Variants in CLASP2 observed in about 807,000 individuals in gnomAD.
CLASP2 encodes cytoplasmic linker associated protein 2.
In CLASP2, 47 loss-of-function variants were observed where a neutral mutation model predicts 194.4. That is an observed-to-expected ratio of 0.24 (90% CI 0.19 to 0.31). The LOEUF (loss-of-function observed/expected upper bound fraction) is 0.31. Ranked by LOEUF, CLASP2 falls within the 10% of genes least tolerant of loss-of-function variation. The probability of loss-of-function intolerance (pLI) is 1.00; values close to 1 mark genes in which losing one functional copy is unlikely to be tolerated. For synonymous variants in CLASP2, 619 were observed against 633.5 expected (o/e 0.98, Z 0.34); for missense variants, 1,445 against 1,823.6 (o/e 0.79, Z 3.78).
intron 29 of CLASP2, among the ~76,000 whole-genome samples, chr3:33,555,800 T>C (rs1437203339): frequency 6.6e-6 from 1 of 152,232 alleles, no homozygotes; most frequent in Non-Finnish European, 1.5e-5. Context: ...TGAATATATT[T>C]ATTTACACTA....
At chr3:33,605,624 G>C (rs562479143) in intron 16 of CLASP2, among the ~76,000 whole-genome samples, 42 of 152,188 alleles carry the variant, frequency 2.8e-4, no homozygotes, top group African/African-American at 9.6e-4. Context: ...AGAAATTACA[G>C]AGAAGTTTTT....
intron 15 of CLASP2, 91 bp from the exon 16 acceptor site, chr3:33,606,849 G>GC: frequency 1.1e-6 from 1 of 916,862 alleles, no homozygotes; most frequent in Non-Finnish European, 1.6e-6. Flanking sequence ...ATGAAGATAA[G>GC]CCCACTGGTT....
intron 36 of CLASP2, among the ~76,000 whole-genome samples, chr3:33,511,030 ATTTTTTT>A (rs397875429): frequency 9.4e-6 from 1 of 105,890 alleles, no homozygotes; most frequent in Non-Finnish European, 2.0e-5. Flanking sequence ...TGGCTAAAGT[ATTTTTTT>A]TTTTTTTTTT....
intron 37 of CLASP2, among the ~76,000 whole-genome samples, chr3:33,508,754 C>A (rs2048983576): frequency 6.6e-6 from 1 of 152,116 alleles, no homozygotes; most frequent in African/African-American, 2.4e-5. Flanking sequence ...AGCTTTGATT[C>A]TTTCTCTTTA....
chr3:33,663,538 G>A, intron 6 of CLASP2, 23 bp from the exon 7 acceptor site: 1 of 1,538,402 alleles, frequency 6.5e-7, no homozygotes, highest in Non-Finnish European at 9.0e-7. Context: ...AATAAATTGG[G>A]TTTGTTTGAT....
Position 33,606,626 on chromosome 3 carries a change from T to C in CLASP2, c.1659A>G (p.Ser553=), listed in dbSNP as rs2073910109. 6.2e-7 allele frequency: 1 copy of C among 1,613,690 alleles called. No individual in the cohort carries two copies. The highest frequency in any genetic ancestry group is 1.7e-5 in the Admixed American group (1 of 59,994). Residue 553 remains serine, a synonymous_variant, in exon 16 of 39, where the codon TCA becomes TCG. Coordinates refer to ENST00000682230, the MANE Select transcript of CLASP2 (RefSeq NM_001365631.1). ...CCTGTGAGCTGGATGAGGACCTGTC[T>C]GATTGTGGAAGAGATGCTACACTGC... is the stretch of plus-strand genomic sequence containing the variant. ...SSGSVASLPQ[S]DRSSSSSQES... is the part of the protein sequence containing the mutation.
intron 37 of CLASP2, among the ~76,000 whole-genome samples, chr3:33,510,308 T>C (rs750419785): frequency 5.3e-5 from 8 of 152,210 alleles, no homozygotes; most frequent in Non-Finnish European, 1.2e-4. Context: ...GTAGTGATGG[T>C]TGCATAACAC....
intron 27 of CLASP2, chr3:33,563,992 A>G (rs1242616371): frequency 2.3e-6 from 1 of 442,426 alleles, no homozygotes; most frequent in Non-Finnish European, 4.5e-6. Context: ...TTCAAGTCCT[A>G]GTCAAGAAAC....
At chr3:33,584,097 TA>T (rs1174782259) in intron 22 of CLASP2, among the ~76,000 whole-genome samples, 1 of 152,162 alleles carries the variant, frequency 6.6e-6, no homozygotes, top group African/African-American at 2.4e-5. Flanking sequence ...GAGAAAATAT[TA>T]AAGTTTACTA....
rs372188571 is a variant in CLASP2, at chr3:33,582,946, G to A, written c.2240-1018C>T. ...TCAGTCTGTAGGCCTAAACGAAATC[G>A]GTGCCATCTACTCAATAAAGACATT... On this transcript the variant is annotated intron_variant, in intron 22 of 38. Transcript: ENST00000682230. Among the ~76,000 whole-genome samples the A allele has an allele frequency of 3.9e-5, 6 of 152,134 alleles. No individual in the cohort carries two copies. In the East Asian group the frequency reaches 9.6e-4, roughly 24 times the overall value.
chr3:33,690,008 A>G, intron 2 of CLASP2, 76 bp from the exon 3 acceptor site: 1 of 925,682 alleles, frequency 1.1e-6, no homozygotes, highest in Non-Finnish European at 1.5e-6. Flanking sequence ...TCAAAATTAC[A>G]AATAGCAATT....
chr3:33,543,965 T>G (rs2058763391), intron 31 of CLASP2, among the ~76,000 whole-genome samples: 1 of 152,138 alleles, frequency 6.6e-6, no homozygotes, highest in Admixed American at 6.5e-5. Flanking sequence ...TAATCCCTAC[T>G]CCTTTTAAAA....
At chr3:33,717,139 T>C (rs1429664340) in intron 1 of CLASP2, among the ~76,000 whole-genome samples, 1 of 152,224 alleles carries the variant, frequency 6.6e-6, no homozygotes, top group Admixed American at 6.5e-5. Flanking sequence ...AGCATTAGCC[T>C]ATCTACTAAG....
intron 29 of CLASP2, among the ~76,000 whole-genome samples, chr3:33,555,646 G>A (rs1224777794): frequency 6.6e-6 from 1 of 152,138 alleles, no homozygotes; most frequent in East Asian, 1.9e-4. Flanking sequence ...GGGATTACAG[G>A]CATAAGCCAC....
intron 1 of CLASP2, 41 bp downstream of exon 1, chr3:33,717,748 CCGGGATTAAAGGGCTGCCG>C: frequency 5.2e-6 from 8 of 1,527,494 alleles, no homozygotes; most frequent in Non-Finnish European, 7.1e-6. Context: ...GCGCTCGCGT[CCGGGATTAAAGGGCTGCCG>C]CGGAGGGCGT....
intron 24 of CLASP2, among the ~76,000 whole-genome samples, chr3:33,575,457 G>A (rs1030881760): frequency 6.6e-6 from 1 of 152,056 alleles, no homozygotes; most frequent in East Asian, 1.9e-4. Context: ...TTCTGGGTAA[G>A]AAGCTGAGTA....
chr3:33,535,408 G>A lies in CLASP2; in HGVS notation c.3612C>T (p.Asp1204=), dbSNP rs2057138763. 1 of 1,613,988 alleles carries A rather than the reference G, an allele frequency of 6.2e-7. No individual in the cohort carries two copies. The highest frequency in any genetic ancestry group is 8.5e-7 in the Non-Finnish European group (1 of 1,179,882). The change falls in exon 34 of 39, where the codon GAC becomes GAT. Residue 1204 remains aspartate, a synonymous_variant. Coordinates refer to ENST00000682230, the MANE Select transcript of CLASP2 (RefSeq NM_001365631.1). ...TATTATCAAGAGCTGTTTGACTTGA[G>A]TCAGTAGCATCACCTCCTGCTCTTG... ...SDPRAGGDAT[D]SSQTALDNKA...
chr3:33,668,635 G>GA (rs1184200159), intron 6 of CLASP2, among the ~76,000 whole-genome samples: 37 of 152,208 alleles, frequency 2.4e-4, no homozygotes, highest in African/African-American at 7.2e-4. Context: ...TTGAGGATTC[G>GA]AAATACTACC....
intron 30 of CLASP2, among the ~76,000 whole-genome samples, chr3:33,547,315 CCT>C (rs1336403400): frequency 6.6e-6 from 1 of 152,150 alleles, no homozygotes; most frequent in African/African-American, 2.4e-5. Flanking sequence ...GCTCATTCTC[CCT>C]CTCTGCCTGC....
Sources: gnomAD v4.1 joint callset for allele counts (sites outside exome capture counted in the v4.1 genomes callset) on GRCh38, gnomAD v4.1.1 for gene constraint, MANE v1.5 for transcripts, NCBI Gene and HGNC (gene_info 2026-07-23, HGNC 2026-07-21) for gene names.